Variants in SLC27A6 observed in about 807,000 individuals in gnomAD.
SLC27A6 encodes the protein solute carrier family 27 member 6.
SLC27A6 carries 74 observed loss-of-function variants against 63.9 expected under a neutral mutation model. The observed-to-expected ratio is 1.16, with a 90% CI of 0.96 to 1.40. The LOEUF (loss-of-function observed/expected upper bound fraction) is 1.40, where lower values mean the gene tolerates loss of function less well. SLC27A6 is among the 40% of genes most tolerant of loss of function. The pLI, the probability that SLC27A6 is intolerant of heterozygous loss-of-function variation, is 0.00. For synonymous variants in SLC27A6, 287 were observed against 260.8 expected, an observed-to-expected ratio of 1.10 and a Z score of -0.97; for missense variants, 794 against 732.9, an observed-to-expected ratio of 1.08 and a Z score of -0.96.
intron 4 of SLC27A6, among the ~76,000 whole-genome samples, chr5:129,013,620 G>T (rs1175905507): frequency 3.3e-5 from 5 of 151,454 alleles, no homozygotes; most frequent in Non-Finnish European, 7.4e-5. Context: ...TAGCAATTTT[G>T]CCAGAAAATG....
chr5:129,021,671 A>G (rs189334819), intron 5 of SLC27A6, among the ~76,000 whole-genome samples: 2 of 152,346 alleles, frequency 1.3e-5, no homozygotes, highest in Admixed American at 6.5e-5. Context: ...TTAAATTTGT[A>G]TTATAATGCA....
At chr5:129,012,649 A>G (rs1214339495) in intron 4 of SLC27A6, among the ~76,000 whole-genome samples, 1 of 152,088 alleles carries the variant, frequency 6.6e-6, no homozygotes, top group East Asian at 1.9e-4. Flanking sequence ...TAAGGTTGCT[A>G]TCCATACAGT....
In SLC27A6 at chr5:128,966,387, G is replaced by A; in HGVS notation, c.250G>A (p.Asp84Asn). 2 of 1,613,176 alleles carry A rather than the reference G, an allele frequency of 1.2e-6. No homozygotes were observed. Among genetic ancestry groups the A allele is most frequent in the Non-Finnish European group, 1.7e-6 (2 of 1,179,648 alleles). The change falls in exon 1 of 10, where the codon GAT becomes AAT. Residue 84 changes from aspartate (D) to asparagine (N), a missense_variant. Physicochemically the swap from Asp to Asn is conservative, Grantham distance 23. Coordinates refer to ENST00000262462, the MANE Select transcript of SLC27A6 (RefSeq NM_001017372.3). ...IYEGDIYTYQDVDKRSSRVAH... is the reference protein window; with the variant it reads ...IYEGDIYTYQNVDKRSSRVAH... ...TGAGGGAGACATCTACACCTATCAG[G>A]ATGTAGACAAAAGGAGCAGCAGAGT... is the stretch of plus-strand genomic sequence containing the variant.
rs202114520 is a variant in SLC27A6 at position 129,016,115 on chromosome 5, C to T, written c.1164+36C>T. The T allele has an allele frequency of 2.8e-5, 41 of 1,461,244 alleles. No individual in the cohort carries two copies. In the African/African-American group the frequency reaches 3.2e-4, roughly 11 times the overall value. The allele number at this position is 1,461,244 out of a possible 1,614,324, so 90.5% of individuals were successfully genotyped here. A position where few individuals can be genotyped will look rare whatever the true frequency, so the allele number is the denominator to read the frequency against. On this transcript the variant is annotated intron_variant, in intron 5 of 9. Transcript: ENST00000262462. The stretch of plus-strand genomic sequence containing the variant: ...CATTTTCCTTATTAAAGAAATACAT[C>T]GGTGCGGTGGCTCATACCTGTAATC...
Position 129,023,711 on chromosome 5 carries a change from G to T in SLC27A6, c.1255+1G>T. ...GGTTGGTGTATTCATGTGAAAAAAG[G>T]TAAGACTTCTATTTGAAGACATCTC... On this transcript the variant is annotated splice_donor_variant, in intron 6 of 9. Coordinates refer to ENST00000262462, the MANE Select transcript of SLC27A6 (RefSeq NM_001017372.3). LOFTEE classifies it high-confidence loss of function. 6.3e-7 allele frequency: 1 copy of T among 1,596,380 alleles called. No individual in the cohort carries two copies. Among genetic ancestry groups the T allele is most frequent in the South Asian group, 1.1e-5 (1 of 89,700 alleles).
At chr5:129,014,399 C>A (rs767977008) in intron 4 of SLC27A6, among the ~76,000 whole-genome samples, 2 of 152,080 alleles carry the variant, frequency 1.3e-5, no homozygotes, top group African/African-American at 4.8e-5. Context: ...TGGGAGCTGG[C>A]GAGTTCTGAG....
In SLC27A6 at chr5:129,029,683, T is replaced by C; in HGVS notation, c.1659T>C (p.Ala553=). ...TTGTAACATTTCTACCAGCTTATGC[T>C]TGTCCACGATTTTTAAGAATTCAGG... The part of the protein sequence containing the change: ...EQVVTFLPAY[A]CPRFLRIQEK... The change falls in exon 9 of 10, where the codon GCT becomes GCC. Residue 553 remains alanine (A), a synonymous_variant. Transcript: ENST00000262462. 1 of 1,599,672 alleles carries C rather than the reference T, an allele frequency of 6.3e-7. No individual in the cohort carries two copies. Among genetic ancestry groups the C allele is most frequent in the Non-Finnish European group, 8.5e-7 (1 of 1,175,754 alleles).
At chr5:128,982,042 G>T (rs540602877) in intron 1 of SLC27A6, among the ~76,000 whole-genome samples, 1 of 152,138 alleles carries the variant, frequency 6.6e-6, no homozygotes, top group South Asian at 2.1e-4. Context: ...TTTAACTCCT[G>T]ACCTCAGGTG....
At chr5:129,006,069 C>CTTTTTTTTTTTTTTTTTTT (rs1561624835) in intron 4 of SLC27A6, among the ~76,000 whole-genome samples, 1 of 64,850 alleles carries the variant, frequency 1.5e-5, no homozygotes, top group African/African-American at 7.5e-5. Context: ...CCTGTGCACA[C>CTTTTTTTTTTTTTTTTTTT]TGTTTTTTTT....
intron 1 of SLC27A6, among the ~76,000 whole-genome samples, chr5:128,973,850 C>T (rs565920490): frequency 4.6e-5 from 7 of 152,320 alleles, no homozygotes; most frequent in South Asian, 4.1e-4. Context: ...CTGTCTTCTG[C>T]GTCGCTCACG....
intron 2 of SLC27A6, among the ~76,000 whole-genome samples, chr5:128,986,039 A>T (rs565729149): frequency 1.3e-4 from 20 of 152,200 alleles, no homozygotes; most frequent in Non-Finnish European, 2.8e-4. Context: ...GGCCTGGCAC[A>T]GTGACTACTC....
At chr5:128,976,793 G>A (rs570064409) in intron 1 of SLC27A6, among the ~76,000 whole-genome samples, 1 of 152,186 alleles carries the variant, frequency 6.6e-6, no homozygotes, top group East Asian at 1.9e-4. Context: ...AATCTGAAAT[G>A]CTTCAAAATA....
chr5:129,016,419 G>T (rs1372141189), intron 5 of SLC27A6, among the ~76,000 whole-genome samples: 1 of 115,008 alleles, frequency 8.7e-6, no homozygotes, highest in Non-Finnish European at 1.7e-5. Context: ...AAAAAAAAAA[G>T]GAGCACCTTG....
At chr5:128,974,609 A>T (rs781443958) in intron 1 of SLC27A6, among the ~76,000 whole-genome samples, 2 of 152,146 alleles carry the variant, frequency 1.3e-5, no homozygotes, top group Non-Finnish European at 2.9e-5. Flanking sequence ...TTCTCATTGG[A>T]TGTTTCTGAT....
chr5:128,980,678 A>G (rs921810926), intron 1 of SLC27A6, among the ~76,000 whole-genome samples: 1 of 152,156 alleles, frequency 6.6e-6, no homozygotes, highest in South Asian at 2.1e-4. Context: ...CTCTAATTTC[A>G]CTTTGAATTC....
intron 5 of SLC27A6, among the ~76,000 whole-genome samples, chr5:129,018,639 G>T (rs1037516881): frequency 2.0e-5 from 3 of 151,938 alleles, no homozygotes; most frequent in Non-Finnish European, 2.9e-5. Flanking sequence ...TACAAATTTG[G>T]TATTGATATT....
chr5:128,994,185 A>G (rs1352018785), intron 4 of SLC27A6, among the ~76,000 whole-genome samples: 1 of 152,094 alleles, frequency 6.6e-6, no homozygotes, highest in Admixed American at 6.6e-5. Flanking sequence ...AATTAATTTA[A>G]TTTTTAATTT....
chr5:129,029,645 G>A lies in SLC27A6; in HGVS notation c.1621G>A (p.Val541Ile). 6.2e-7 allele frequency: 1 copy of A among 1,601,634 alleles called. No individual in the cohort carries two copies. The highest frequency in any genetic ancestry group is 1.1e-5 in the South Asian group (1 of 88,552). ...AAATACATCTTTAGATTTGGAAAAA[G>A]TTTATGAACAAGTTGTAACATTTCT... ...KPNTSLDLEK[V>I]YEQVVTFLPA... Residue 541 changes from valine to isoleucine, a missense_variant, in exon 9 of 10, where the codon GTT becomes ATT. Transcript: ENST00000262462.
At chr5:128,972,051 G>T (rs1580699193) in intron 1 of SLC27A6, among the ~76,000 whole-genome samples, 1 of 152,152 alleles carries the variant, frequency 6.6e-6, no homozygotes, top group East Asian at 1.9e-4. Context: ...TGAAATTCTG[G>T]GTTGAAAATT....
Sources: allele counts gnomAD v4.1 joint callset (sites outside exome capture counted in the v4.1 genomes callset), GRCh38; gene constraint gnomAD v4.1.1; transcripts MANE v1.5; gene names NCBI Gene and HGNC (gene_info 2026-07-23, HGNC 2026-07-21).